NDUFA9: variants seen among roughly 807,000 people sequenced by gnomAD.
NDUFA9 encodes NADH:ubiquinone oxidoreductase subunit A9, also known as NADH dehydrogenase [ubiquinone] 1 alpha subcomplex subunit 9, mitochondrial.
A neutral mutation model predicts 45.9 loss-of-function variants in NDUFA9; 23 were observed. The ratio of observed to expected loss-of-function variants is 0.50; its 90% CI spans 0.36 to 0.71. The LOEUF is 0.71. NDUFA9 is among the 30% of genes least tolerant of loss of function. The probability of loss-of-function intolerance (pLI) is 0.00; values close to 1 mark genes in which losing one functional copy is unlikely to be tolerated. For synonymous variants in NDUFA9, 176 were observed against 170.5 expected (o/e 1.03, Z -0.25); for missense variants, 466 against 488.2 (o/e 0.95, Z 0.43).
At chr12:4,667,989 T>A (rs952363744) in intron 6 of NDUFA9, among the ~76,000 whole-genome samples, 1 of 152,184 alleles carries the variant, frequency 6.6e-6, no homozygotes, top group African/African-American at 2.4e-5. Context: ...ATATATCAAC[T>A]AATATTTCCA....
In NDUFA9 at chr12:4,687,143, TG is replaced by T. The variant is rs767673416; in HGVS notation, c.*38del. On this transcript the variant is annotated 3_prime_UTR_variant, in exon 11 of 11. Transcript: ENST00000266544. Reference sequence around the variant, plus strand: ...AGCAGCTCTTGGTTTTGGCGTCTTTTGGGTCGGCCCATGTGGTTTGAGCACC... The same window carrying T: ...AGCAGCTCTTGGTTTTGGCGTCTTTTGGTCGGCCCATGTGGTTTGAGCACC... 119 of 1,608,222 alleles carry T rather than the reference TG, an allele frequency of 7.4e-5. No individual in the cohort carries two copies. The highest frequency in any genetic ancestry group is 9.9e-5 in the Non-Finnish European group (116 of 1,176,410).
At position 4,691,244 on chromosome 12, in the gene NDUFA9, A is replaced by T. The variant is rs904226954; in HGVS notation, c.*4136A>T. The T allele has an allele frequency of 2.0e-5, 3 of 152,244 alleles. No individual in the cohort carries two copies. The highest frequency in any genetic ancestry group is 7.2e-5 in the African/African-American group (3 of 41,472). 9.4% of individuals were successfully genotyped at this position (152,244 alleles called of 1,614,324 possible). On this transcript the variant is annotated 3_prime_UTR_variant, in exon 11 of 11. Transcript: ENST00000266544. ...GCATGTAAAATGCTGAGCCCTGCAC[A>T]TAATAAGAACTAAGTAAATGTGAGC... is the stretch of plus-strand genomic sequence containing the variant.
At chr12:4,672,211 G>A (rs988555542) in intron 8 of NDUFA9, among the ~76,000 whole-genome samples, 9 of 152,280 alleles carry the variant, frequency 5.9e-5, no homozygotes, top group South Asian at 2.1e-4. Context: ...CAGATACTGC[G>A]CTTTTCCCAT....
chr12:4,668,871 A>G (rs1565568797), intron 7 of NDUFA9, among the ~76,000 whole-genome samples: 1 of 152,232 alleles, frequency 6.6e-6, no homozygotes, highest in Non-Finnish European at 1.5e-5. Flanking sequence ...GATGAGTGCT[A>G]TGATAAGGAG....
intron 4 of NDUFA9, 99 bp from the exon 5 acceptor site, chr12:4,658,937 G>C: frequency 8.0e-7 from 1 of 1,242,478 alleles, no homozygotes; most frequent in Non-Finnish European, 1.1e-6. Context: ...TTTAAGTAGT[G>C]TGAATTTCAG....
intron 5 of NDUFA9, among the ~76,000 whole-genome samples, chr12:4,660,720 C>T (rs1945818526): frequency 6.6e-6 from 1 of 152,094 alleles, no homozygotes; most frequent in Non-Finnish European, 1.5e-5. Flanking sequence ...CAGACAGTCT[C>T]ACAGGAGGAA....
chr12:4,669,618 C>G, intron 7 of NDUFA9, 123 bp from the exon 8 acceptor site: 1 of 619,682 alleles, frequency 1.6e-6, no homozygotes, highest in Non-Finnish European at 2.8e-6. Context: ...TCAGTGTGGC[C>G]TTCCTCCTTT....
intron 5 of NDUFA9, 123 bp downstream of exon 5, chr12:4,659,300 C>A: frequency 3.5e-6 from 3 of 848,476 alleles, no homozygotes; most frequent in Non-Finnish European, 5.3e-6. Flanking sequence ...TTTTCTGATT[C>A]CCTGCATCCA....
chr12:4,650,898 T>C (rs997800759), intron 1 of NDUFA9, among the ~76,000 whole-genome samples: 1 of 152,112 alleles, frequency 6.6e-6, no homozygotes, highest in Non-Finnish European at 1.5e-5. Flanking sequence ...ATGTGTTAGA[T>C]GGGATCAGAC....
At chr12:4,650,124 G>A (rs1487280083) in intron 1 of NDUFA9, among the ~76,000 whole-genome samples, 2 of 152,220 alleles carry the variant, frequency 1.3e-5, no homozygotes, top group South Asian at 4.1e-4. Context: ...AGGACTGAGT[G>A]TAGAGCTATT....
chr12:4,678,754 G>A (rs1408931807), intron 8 of NDUFA9, among the ~76,000 whole-genome samples: 1 of 152,112 alleles, frequency 6.6e-6, no homozygotes, highest in African/African-American at 2.4e-5. Flanking sequence ...TGAGATACCA[G>A]TTCACAGAGA....
chr12:4,666,833 A>G (rs1945855980), intron 6 of NDUFA9, among the ~76,000 whole-genome samples: 1 of 152,104 alleles, frequency 6.6e-6, no homozygotes, highest in Admixed American at 6.5e-5. Flanking sequence ...TTCTTTTTCA[A>G]GATTGTTTTG....
intron 3 of NDUFA9, chr12:4,655,187 T>G: frequency 2.7e-6 from 1 of 370,256 alleles, no homozygotes; most frequent in East Asian, 4.9e-5. Flanking sequence ...TCATAATTAC[T>G]CAGCTCTGCC....
In NDUFA9 at chr12:4,654,676, G is replaced by A. The variant is rs71579251; in HGVS notation, c.221-149G>A. On this transcript the variant is annotated intron_variant, in intron 2 of 10. Transcript: ENST00000266544. ...GAATAAGGGACTCTGAAAAGCTATGGCATCTTTAGCATGGCAAAATATTCT... is the reference window on the plus strand; with the variant it reads ...GAATAAGGGACTCTGAAAAGCTATGACATCTTTAGCATGGCAAAATATTCT... 1.0e-3 allele frequency: 895 copies of A among 892,548 alleles called. 4 individuals are homozygous for A. Among genetic ancestry groups the A allele is most frequent in the Admixed American group, 2.0e-3 (66 of 33,026 alleles). The allele number at this position is 892,548 out of a possible 1,614,324, so 55.3% of individuals were successfully genotyped here. A position where few individuals can be genotyped will look rare whatever the true frequency, so the allele number is the denominator to read the frequency against.
At chr12:4,653,788 G>A (rs1268794914) in intron 1 of NDUFA9, 4 of 327,532 alleles carry the variant, frequency 1.2e-5, no homozygotes, top group Non-Finnish European at 2.3e-5. Flanking sequence ...TTAGTCACCA[G>A]TTTCAGATTC....
intron 3 of NDUFA9, chr12:4,655,677 A>T (rs1463113053): frequency 6.6e-6 from 1 of 152,198 alleles, no homozygotes; most frequent in East Asian, 1.9e-4. Context: ...TTTAGTATAG[A>T]TTTAACTTAG....
chr12:4,659,628 C>T (rs1945812461), intron 5 of NDUFA9, among the ~76,000 whole-genome samples: 1 of 152,144 alleles, frequency 6.6e-6, no homozygotes, highest in Non-Finnish European at 1.5e-5. Context: ...GGGAAGATGC[C>T]TATTCACACA....
At chr12:4,653,705 C>CTTTTTTT in intron 1 of NDUFA9, 1 of 336,082 alleles carries the variant, frequency 3.0e-6, no homozygotes, top group Non-Finnish European at 5.6e-6. Context: ...GAACTGCATT[C>CTTTTTTT]TTTTTTTTTT....
intron 8 of NDUFA9, among the ~76,000 whole-genome samples, chr12:4,670,441 T>G (rs1945879552): frequency 6.6e-6 from 1 of 152,200 alleles, no homozygotes; most frequent in Non-Finnish European, 1.5e-5. Flanking sequence ...ACCTGGTAAG[T>G]GGTTCATAAC....
Sources: gnomAD v4.1 joint callset for allele counts (sites outside exome capture counted in the v4.1 genomes callset) on GRCh38, gnomAD v4.1.1 for gene constraint, MANE v1.5 for transcripts, NCBI Gene and HGNC (gene_info 2026-07-23, HGNC 2026-07-21) for gene names.